The following GRIA3 variants were observed in gnomAD, a reference collection of about 807,000 sequenced individuals.
The protein encoded by GRIA3 is glutamate receptor 3.
In GRIA3, 3 loss-of-function variants were observed where a neutral mutation model predicts 63.0. That is an observed-to-expected ratio of 0.05 (90% CI 0.02 to 0.12). The LOEUF (loss-of-function observed/expected upper bound fraction) is 0.12. Among genes scored for constraint, GRIA3 ranks in the 10% least tolerant of loss-of-function variants. The pLI is 1.00. For synonymous variants in GRIA3, 274 were observed against 257.9 expected, an observed-to-expected ratio of 1.06 and a Z score of -0.60; for missense variants, 347 against 700.9, an observed-to-expected ratio of 0.50 and a Z score of 5.70.
intron 3 of GRIA3, among the ~76,000 whole-genome samples, chrX:123,275,401 T>G (rs181351041): frequency 1.8e-5 from 2 of 112,273 alleles, no homozygotes; most frequent in African/African-American, 6.5e-5. Flanking sequence ...GGCCCACATA[T>G]TTGACCACTA....
At position 123,184,664 on chromosome X, in the gene GRIA3, C is replaced by T. The variant is rs780417148; in HGVS notation, c.109+20C>T. ...GCATAGGTAAGCGCAAGCGAGCCAG[C>T]CGTCGGTCCAGGCTCTCCCTCACCC... On this transcript the variant is annotated intron_variant, in intron 1 of 15. Transcript: ENST00000620443. 2.3e-5 allele frequency: 25 copies of T among 1,084,086 alleles called. No individual in the cohort carries two copies. The South Asian group carries it at 4.6e-4, about 20-fold the overall frequency. The allele number at this position is 1,084,086 out of a possible 1,213,427, so 89.3% of individuals were successfully genotyped here.
intron 12 of GRIA3, among the ~76,000 whole-genome samples, chrX:123,460,068 C>G (rs2045784277): frequency 8.9e-6 from 1 of 111,931 alleles, no homozygotes. Flanking sequence ...CACATGTACA[C>G]CATGTGCATT....
chrX:123,218,392 C>T (rs980845354), intron 2 of GRIA3, among the ~76,000 whole-genome samples: 2 of 112,058 alleles, frequency 1.8e-5, no homozygotes, highest in Non-Finnish European at 3.8e-5. Context: ...AACATCTAGT[C>T]GAGTTTTGAG....
At chrX:123,297,309 T>C (rs1403692514) in intron 3 of GRIA3, among the ~76,000 whole-genome samples, 3 of 111,980 alleles carry the variant, frequency 2.7e-5, no homozygotes, top group African/African-American at 9.7e-5. Context: ...CTTGAACCCC[T>C]ATGGGTTTAT....
At chrX:123,230,913 G>A (rs1245388497) in intron 2 of GRIA3, among the ~76,000 whole-genome samples, 2 of 111,830 alleles carry the variant, frequency 1.8e-5, no homozygotes, top group East Asian at 5.6e-4. Context: ...GTCTCTCCCT[G>A]GTTTAAATAC....
chrX:123,447,118 C>T (rs1160978065), intron 12 of GRIA3, among the ~76,000 whole-genome samples: 1 of 111,608 alleles, frequency 9.0e-6, no homozygotes, highest in Admixed American at 9.5e-5. Context: ...TGCAGTGGCT[C>T]ATGCCTGTAA....
chrX:123,368,897 C>T (rs1248911895), intron 5 of GRIA3, among the ~76,000 whole-genome samples: 1 of 111,666 alleles, frequency 9.0e-6, no homozygotes, highest in African/African-American at 3.3e-5. Flanking sequence ...CTCTACATTC[C>T]TTAACCTTCT....
chrX:123,221,379 G>A (rs1377507548), intron 2 of GRIA3, among the ~76,000 whole-genome samples: 1 of 112,263 alleles, frequency 8.9e-6, no homozygotes, highest in African/African-American at 3.2e-5. Context: ...TAGAAATACA[G>A]CTTATATTGG....
chrX:123,464,956 C>G lies in GRIA3; in HGVS notation c.2168C>G (p.Ala723Gly). 1 of 1,209,653 alleles carries G rather than the reference C, an allele frequency of 8.3e-7. No individual in the cohort carries two copies. The highest frequency in any genetic ancestry group is 3.0e-5 in the East Asian group (1 of 33,818). ...ACCAAAACAACAGCAGACGGAGTGG[C>G]CCGAGTGCGAAAGTCCAAGGGAAAG... ...VFTKTTADGV[A>G]RVRKSKGKFA... The change falls in exon 13 of 16, where the codon GCC becomes GGC. Residue 723 changes from alanine to glycine, a missense_variant. Coordinates refer to ENST00000620443, the MANE Select transcript of GRIA3 (RefSeq NM_007325.5).
At chrX:123,328,724 G>T (rs1569420844) in intron 4 of GRIA3, among the ~76,000 whole-genome samples, 1 of 111,909 alleles carries the variant, frequency 8.9e-6, no homozygotes, top group Non-Finnish European at 1.9e-5. Flanking sequence ...AAGTTCCACT[G>T]CAATTTTGCT....
intron 11 of GRIA3, among the ~76,000 whole-genome samples, chrX:123,419,664 C>G (rs2045554374): frequency 9.0e-6 from 1 of 110,640 alleles, no homozygotes; most frequent in Non-Finnish European, 1.9e-5. Context: ...CACATCCAAG[C>G]TTTATTTAAA....
intron 13 of GRIA3, among the ~76,000 whole-genome samples, chrX:123,479,665 A>G (rs990587982): frequency 8.9e-6 from 1 of 112,230 alleles, no homozygotes; most frequent in African/African-American, 3.2e-5. Context: ...CCTCCATAAA[A>G]TTTGCTTTCT....
At chrX:123,307,595 C>T (rs1603084056) in intron 3 of GRIA3, among the ~76,000 whole-genome samples, 1 of 112,220 alleles carries the variant, frequency 8.9e-6, no homozygotes, top group Admixed American at 9.4e-5. Flanking sequence ...ATGACTTTAA[C>T]TGTCCTTTCC....
At chrX:123,285,959 A>G (rs891011708) in intron 3 of GRIA3, among the ~76,000 whole-genome samples, 1 of 111,953 alleles carries the variant, frequency 8.9e-6, no homozygotes, top group Non-Finnish European at 1.9e-5. Flanking sequence ...AATCAACAGA[A>G]TATACATTCT....
chrX:123,308,582 T>A (rs1470008338), intron 3 of GRIA3, among the ~76,000 whole-genome samples: 1 of 111,961 alleles, frequency 8.9e-6, no homozygotes. Context: ...GCTAAAAGAA[T>A]TTTTAGGGTA....
chrX:123,284,553 T>C (rs1161579433), intron 3 of GRIA3, among the ~76,000 whole-genome samples: 2 of 110,522 alleles, frequency 1.8e-5, no homozygotes, highest in Non-Finnish European at 3.8e-5. Context: ...GAGAAGAACA[T>C]AAATGACCTG....
intron 15 of GRIA3, among the ~76,000 whole-genome samples, chrX:123,483,298 G>T (rs2045921864): frequency 9.0e-6 from 1 of 110,933 alleles, no homozygotes; most frequent in Non-Finnish European, 1.9e-5. Flanking sequence ...TTGTTCAATA[G>T]AAAATATATG....
intron 3 of GRIA3, among the ~76,000 whole-genome samples, chrX:123,303,297 G>T (rs2044734960): frequency 9.0e-6 from 1 of 110,827 alleles, no homozygotes; most frequent in Non-Finnish European, 1.9e-5. Context: ...GTTCCTTCTA[G>T]TCAGGAACCA....
intron 10 of GRIA3, among the ~76,000 whole-genome samples, chrX:123,408,875 T>C (rs1301679858): frequency 8.9e-6 from 1 of 112,263 alleles, no homozygotes; most frequent in Non-Finnish European, 1.9e-5. Flanking sequence ...ATGAAAAATA[T>C]ACATTCTTAT....
Sources: gnomAD v4.1 joint callset for allele counts (sites outside exome capture counted in the v4.1 genomes callset) on GRCh38, gnomAD v4.1.1 for gene constraint, MANE v1.5 for transcripts, NCBI Gene and HGNC (gene_info 2026-07-23, HGNC 2026-07-21) for gene names.